The following ZNF569 variants were observed in gnomAD, a reference collection of about 807,000 sequenced individuals.
The protein encoded by ZNF569 is DNA-binding protein.
In ZNF569, 38 loss-of-function variants were observed where a neutral mutation model predicts 56.3. That is an observed-to-expected ratio of 0.68 (90% CI 0.52 to 0.88). The LOEUF (loss-of-function observed/expected upper bound fraction) is 0.88. Among genes scored for constraint, ZNF569 ranks in the 40% least tolerant of loss-of-function variants. The pLI is 0.00. For missense variants in ZNF569, 666 were observed against 809.2 expected, an observed-to-expected ratio of 0.82 and a Z score of 2.15; for synonymous variants, 241 against 262.9, an observed-to-expected ratio of 0.92 and a Z score of 0.81.
intron 5 of ZNF569, among the ~76,000 whole-genome samples, chr19:37,418,441 G>A (rs929721068): frequency 9.2e-5 from 14 of 152,028 alleles, no homozygotes; most frequent in African/African-American, 1.9e-4. Context: ...ATAAACCAAC[G>A]AAGACAAAGA....
At chr19:37,449,181 G>A (rs1302391926) in intron 2 of ZNF569, among the ~76,000 whole-genome samples, 1 of 152,154 alleles carries the variant, frequency 6.6e-6, no homozygotes, top group African/African-American at 2.4e-5. Flanking sequence ...TCTGAGAACA[G>A]ACTTTGAATG....
At chr19:37,452,541 T>A (rs971958539) in intron 2 of ZNF569, among the ~76,000 whole-genome samples, 2 of 152,182 alleles carry the variant, frequency 1.3e-5, no homozygotes, top group African/African-American at 4.8e-5. Flanking sequence ...TTTTAAAGGA[T>A]AGTTTTGCCA....
At chr19:37,425,534 G>T (rs748564638) in intron 5 of ZNF569, 55 of 160,620 alleles carry the variant, frequency 3.4e-4, no homozygotes, top group Admixed American at 7.6e-4. Flanking sequence ...TGTTAGCCAG[G>T]ATGGTTGTGA....
intron 3 of ZNF569, among the ~76,000 whole-genome samples, chr19:37,434,233 G>A (rs1427500804): frequency 2.0e-5 from 3 of 150,582 alleles, no homozygotes; most frequent in African/African-American, 7.4e-5. Flanking sequence ...CCGGGAGGCA[G>A]AGGTTGCAGT....
Position 37,412,273 on chromosome 19 carries a change from A to C in ZNF569, c.*324T>G. The C allele has an allele frequency of 4.4e-6, 1 of 227,856 alleles. No homozygotes were observed. The allele number at this position is 227,856 out of a possible 1,614,324, so 14.1% of individuals were successfully genotyped here. On this transcript the variant is annotated 3_prime_UTR_variant, in exon 6 of 6. Coordinates refer to ENST00000316950, the MANE Select transcript of ZNF569 (RefSeq NM_152484.3). The stretch of plus-strand genomic sequence containing the variant: ...AAGTTATTTTTATAGTTCTTCGTTG[A>C]TACTTGTTTTCCTTACTTAATACAT...
intron 5 of ZNF569, among the ~76,000 whole-genome samples, chr19:37,421,397 G>A (rs1044095190): frequency 6.6e-6 from 1 of 152,170 alleles, no homozygotes; most frequent in Non-Finnish European, 1.5e-5. Context: ...TGTTTAGTTA[G>A]CCACCCTCAT....
At chr19:37,433,750 T>C (rs1312462543) in intron 3 of ZNF569, among the ~76,000 whole-genome samples, 1 of 152,170 alleles carries the variant, frequency 6.6e-6, no homozygotes, top group Non-Finnish European at 1.5e-5. Context: ...ATAGTATATC[T>C]GGTGAAAATA....
At chr19:37,446,462 A>ATTACT (rs2041496326) in intron 2 of ZNF569, among the ~76,000 whole-genome samples, 1 of 150,462 alleles carries the variant, frequency 6.6e-6, no homozygotes, top group East Asian at 2.0e-4. Flanking sequence ...AGGCAGGAGA[A>ATTACT]TGGCGTGAAC....
chr19:37,413,153 GC>G lies in ZNF569; in HGVS notation c.1504del (p.Ala502ProfsTer40). The part of the protein sequence containing the change: ...KPYECNECGK[A>X]FSQKQNFITH... ...AATGAAGTTTTGCTTTTGGCTGAAG[GC>G]TTTACCACATTCATTGCATTCATAG... is the stretch of plus-strand genomic sequence containing the variant. On this transcript the variant is annotated frameshift_variant, in exon 6 of 6. Coordinates refer to ENST00000316950, the MANE Select transcript of ZNF569 (RefSeq NM_152484.3). LOFTEE classifies it high-confidence loss of function. 1 of 1,608,476 alleles carries G rather than the reference GC, an allele frequency of 6.2e-7. No homozygotes were observed. Among genetic ancestry groups the G allele is most frequent in the Non-Finnish European group, 8.5e-7 (1 of 1,177,932 alleles).
chr19:37,431,078 AG>A (rs974454941), intron 3 of ZNF569, among the ~76,000 whole-genome samples: 4 of 152,140 alleles, frequency 2.6e-5, no homozygotes, highest in Non-Finnish European at 5.9e-5. Context: ...CATGGGCTAA[AG>A]GGCTCTAGGA....
Position 37,414,390 on chromosome 19 carries a change from T to C in ZNF569, c.268A>G (p.Lys90Glu). The C allele has an allele frequency of 1.3e-6, 2 of 1,599,396 alleles. No individual in the cohort carries two copies. The highest frequency in any genetic ancestry group is 1.8e-5 in the Admixed American group (1 of 56,880). ...TGTCTCAAAAGTCTGTCCTGGTTTTTCTGATGCTCATCAACTCCCCATATT... is the reference window on the plus strand; with the variant it reads ...TGTCTCAAAAGTCTGTCCTGGTTTTCCTGATGCTCATCAACTCCCCATATT... Reference protein sequence around the residue: ...GEIWGVDEHQKNQDRLLRQVE... With the variant: ...GEIWGVDEHQENQDRLLRQVE... The change falls in exon 6 of 6, where the codon AAA (lysine) becomes GAA (glutamate). Residue 90 changes from lysine to glutamate, a missense_variant. Lys to Glu is a moderately conservative substitution (Grantham distance 56, BLOSUM62 1). Coordinates refer to ENST00000316950, the MANE Select transcript of ZNF569 (RefSeq NM_152484.3).
In ZNF569 at chr19:37,414,045, G is replaced by T; in HGVS notation, c.613C>A (p.Leu205Met). ...FNQTLDLIRH[L>M]RIHTGEKPYE... ...GGCTTCTCTCCAGTATGAATTCTCA[G>T]ATGTCTGATGAGGTCCAAAGTCTGA... Residue 205 changes from leucine (L) to methionine (M), a missense_variant, in exon 6 of 6, where the codon CTG (leucine) becomes ATG (methionine). Leu to Met is a conservative substitution (Grantham distance 15). Coordinates refer to ENST00000316950, the MANE Select transcript of ZNF569 (RefSeq NM_152484.3). 6.2e-7 allele frequency: 1 copy of T among 1,613,482 alleles called. No homozygotes were observed. Among genetic ancestry groups the T allele is most frequent in the Non-Finnish European group, 8.5e-7 (1 of 1,179,846 alleles).
intron 5 of ZNF569, among the ~76,000 whole-genome samples, chr19:37,424,245 G>A (rs2041086572): frequency 6.6e-6 from 1 of 152,158 alleles, no homozygotes; most frequent in Admixed American, 6.5e-5. Context: ...GACTATAAAT[G>A]TCAGTAGGTT....
intron 5 of ZNF569, among the ~76,000 whole-genome samples, chr19:37,423,970 T>C (rs778927288): frequency 3.3e-5 from 5 of 152,182 alleles, no homozygotes; most frequent in Admixed American, 3.3e-4. Flanking sequence ...AAAATACGTG[T>C]ATATGGACAT....
chr19:37,437,032 A>G (rs75062595), intron 3 of ZNF569, among the ~76,000 whole-genome samples: 1 of 151,376 alleles, frequency 6.6e-6, no homozygotes, highest in South Asian at 2.1e-4. Context: ...AAAAAAAAAA[A>G]GAAAGCTACA....
chr19:37,449,061 TATA>T (rs1234912734), intron 2 of ZNF569, among the ~76,000 whole-genome samples: 4 of 152,348 alleles, frequency 2.6e-5, no homozygotes, highest in African/African-American at 7.2e-5. Flanking sequence ...TTTAATTTCC[TATA>T]ATGTTTCTTG....
intron 5 of ZNF569, among the ~76,000 whole-genome samples, chr19:37,425,220 T>C (rs1393883999): frequency 1.3e-5 from 2 of 151,868 alleles, no homozygotes; most frequent in South Asian, 2.1e-4. Context: ...GCTGTGATCA[T>C]GGCTTACTGT....
chr19:37,441,498 T>C (rs1055118849), intron 3 of ZNF569, among the ~76,000 whole-genome samples: 1 of 151,924 alleles, frequency 6.6e-6, no homozygotes, highest in East Asian at 1.9e-4. Flanking sequence ...TCTCTACAAA[T>C]TGTTTTTTTA....
At chr19:37,455,571 T>G (rs1005591027) in intron 2 of ZNF569, among the ~76,000 whole-genome samples, 11 of 151,812 alleles carry the variant, frequency 7.2e-5, no homozygotes, top group Admixed American at 7.2e-4. Flanking sequence ...AACCTAAAAC[T>G]CATTGAAAGC....
Sources: allele counts gnomAD v4.1 joint callset (sites outside exome capture counted in the v4.1 genomes callset), GRCh38; gene constraint gnomAD v4.1.1; transcripts MANE v1.5; gene names NCBI Gene and HGNC (gene_info 2026-07-23, HGNC 2026-07-21).